Variants in SPATA3 observed in about 807,000 individuals in gnomAD.
SPATA3 encodes spermatogenesis-associated protein 3.
SPATA3 carries 6 observed loss-of-function variants against 5.7 expected under a neutral mutation model. The observed-to-expected ratio is 1.06, with a 90% CI of 0.58 to 2.09. SPATA3 has a LOEUF of 2.09. Ranked by LOEUF, SPATA3 falls within the 30% of genes most tolerant of loss-of-function variation. The pLI is 0.00. For missense variants in SPATA3, 155 were observed against 130.4 expected (o/e 1.19, Z -0.92); for synonymous variants, 44 against 48.4 (o/e 0.91, Z 0.37).
chr2:231,018,325 C>T (rs1431185826), intron 6 of SPATA3, among the ~76,000 whole-genome samples: 1 of 152,166 alleles, frequency 6.6e-6, no homozygotes, highest in Admixed American at 6.5e-5. Flanking sequence ...TTTCTGCAGG[C>T]TGTTGCTTGT....
intron 5 of SPATA3, among the ~76,000 whole-genome samples, chr2:231,012,922 G>A (rs1321749176): frequency 6.6e-6 from 1 of 152,010 alleles, no homozygotes; most frequent in Non-Finnish European, 1.5e-5. Flanking sequence ...CATTCATTTG[G>A]CAAAACCACA....
chr2:231,013,972 A>T (rs756679770), exon 6 of SPATA3: 1 of 151,692 alleles, frequency 6.6e-6, no homozygotes, highest in Non-Finnish European at 1.5e-5. Flanking sequence ...CTTAGAATCA[A>T]CTCACCTGGT....
intron 6 of SPATA3, among the ~76,000 whole-genome samples, chr2:231,018,021 T>C (rs897811985): frequency 6.6e-6 from 1 of 151,984 alleles, no homozygotes; most frequent in Non-Finnish European, 1.5e-5. Context: ...GCCTCCCAGG[T>C]TTAAGCCGTT....
chr2:231,007,690 T>C (rs1574669385), downstream of SPATA3, among the ~76,000 whole-genome samples: 1 of 152,146 alleles, frequency 6.6e-6, no homozygotes, highest in Non-Finnish European at 1.5e-5. Flanking sequence ...GGGTCACCTG[T>C]GATGGGGAGC....
At chr2:231,005,491 CA>C (rs1291068518), downstream of SPATA3, among the ~76,000 whole-genome samples, 2 of 126,824 alleles carry the variant, frequency 1.6e-5, no homozygotes, top group Non-Finnish European at 1.8e-5. Context: ...CCACCACCAT[CA>C]CCACCATCAT....
At chr2:231,019,594 G>A (rs939741125) in intron 6 of SPATA3, 1 of 151,290 alleles carries the variant, frequency 6.6e-6, no homozygotes, top group African/African-American at 2.4e-5. Context: ...AGAGTGCTGG[G>A]ATTACAGGCG....
chr2:231,002,542 C>G, intron 2 of SPATA3, 142 bp from the exon 3 acceptor site: 1 of 464,572 alleles, frequency 2.2e-6, no homozygotes, highest in Non-Finnish European at 3.8e-6. Context: ...GAATTAAATG[C>G]TCTCCTAAGA....
At chr2:230,997,224 C>T (rs765445929) in intron 1 of SPATA3, among the ~76,000 whole-genome samples, 19 of 152,112 alleles carry the variant, frequency 1.2e-4, no homozygotes, top group African/African-American at 2.2e-4. Context: ...GTGGTGTTCT[C>T]GTGATAGTGA....
downstream of SPATA3, among the ~76,000 whole-genome samples, chr2:231,011,108 A>T (rs1306549910): frequency 6.7e-6 from 1 of 148,966 alleles, no homozygotes; most frequent in African/African-American, 2.5e-5. Context: ...AAAGAAAGCC[A>T]TCAATCAATT....
intron 6 of SPATA3, among the ~76,000 whole-genome samples, chr2:231,016,377 C>T (rs1692936970): frequency 6.6e-6 from 1 of 152,104 alleles, no homozygotes; most frequent in South Asian, 2.1e-4. Flanking sequence ...CCCGAATTCT[C>T]TGCCTTGGCA....
Position 230,996,551 on chromosome 2 carries a change from C to T in SPATA3, c.791-3815C>T. ...GGAAAGCAGGTGGGCTGTCTTCTAG[C>T]TTCAGCAGTTCCAGCCTTCCTGCTG... is the stretch of plus-strand genomic sequence containing the variant. On this transcript the variant is annotated intron_variant, in intron 1 of 2. Coordinates refer to ENST00000645363, the Ensembl canonical transcript of SPATA3. 1 of 1,549,596 alleles carries T rather than the reference C, an allele frequency of 6.5e-7. No individual in the cohort carries two copies.
downstream of SPATA3, among the ~76,000 whole-genome samples, chr2:231,011,893 A>T (rs1692798282): frequency 6.6e-6 from 1 of 152,142 alleles, no homozygotes; most frequent in Non-Finnish European, 1.5e-5. Context: ...ATCCCCAGGC[A>T]GCTCCCCCTC....
intron 6 of SPATA3, among the ~76,000 whole-genome samples, chr2:231,017,515 G>A (rs1692963154): frequency 6.6e-6 from 1 of 152,256 alleles, no homozygotes; most frequent in South Asian, 2.1e-4. Flanking sequence ...GGGCCCCGGG[G>A]AACTGGGAAT....
chr2:231,008,784 G>A (rs1276825125), downstream of SPATA3, among the ~76,000 whole-genome samples: 2 of 152,208 alleles, frequency 1.3e-5, no homozygotes, highest in Non-Finnish European at 2.9e-5. Context: ...AAATGACAAT[G>A]TATTAGCTCC....
chr2:231,003,042 G>T (rs903705990), downstream of SPATA3, among the ~76,000 whole-genome samples: 1 of 152,150 alleles, frequency 6.6e-6, no homozygotes, highest in Non-Finnish European at 1.5e-5. Context: ...CCCCGGGATG[G>T]TGTCCCTGGT....
At chr2:231,001,214 T>C (rs1312234532) in intron 2 of SPATA3, among the ~76,000 whole-genome samples, 1 of 152,016 alleles carries the variant, frequency 6.6e-6, no homozygotes, top group Non-Finnish European at 1.5e-5. Flanking sequence ...ACCGCCCTCA[T>C]AGGAAGACCC....
chr2:231,012,782 G>C (rs990927625), intron 5 of SPATA3: 1 of 152,128 alleles, frequency 6.6e-6, no homozygotes, highest in Middle Eastern at 3.1e-3. Flanking sequence ...TTAGTGATCG[G>C]TGTTTCATAT....
chr2:231,002,583 C>A, intron 2 of SPATA3, 101 bp from the exon 3 acceptor site: 1 of 632,796 alleles, frequency 1.6e-6, no homozygotes, highest in Non-Finnish European at 2.6e-6. Flanking sequence ...ATGGGTATTC[C>A]TGCAATCCTG....
intron 1 of SPATA3, among the ~76,000 whole-genome samples, chr2:230,998,150 C>T (rs995955852): frequency 6.6e-6 from 1 of 152,202 alleles, no homozygotes; most frequent in Non-Finnish European, 1.5e-5. Context: ...ACTCCATAGC[C>T]TTGAACAGGC....
Sources: gnomAD v4.1 joint callset for allele counts (sites outside exome capture counted in the v4.1 genomes callset) on GRCh38, gnomAD v4.1.1 for gene constraint, MANE v1.5 for transcripts, NCBI Gene and HGNC (gene_info 2026-07-23, HGNC 2026-07-21) for gene names.